Variants in KDM4A observed in about 807,000 individuals in gnomAD.
The protein encoded by KDM4A is lysine demethylase 4A.
KDM4A carries 23 observed loss-of-function variants against 127.1 expected under a neutral mutation model. The observed-to-expected ratio is 0.18, with a 90% CI of 0.13 to 0.26. KDM4A has a LOEUF of 0.26. KDM4A is among the 10% of genes least tolerant of loss of function. The pLI is 1.00. For missense variants in KDM4A, 890 were observed against 1,329.1 expected, an observed-to-expected ratio of 0.67 and a Z score of 5.14; for synonymous variants, 443 against 466.5, an observed-to-expected ratio of 0.95 and a Z score of 0.65.
At chr1:43,700,813 G>C (rs991386069) in intron 19 of KDM4A, among the ~76,000 whole-genome samples, 1 of 151,582 alleles carries the variant, frequency 6.6e-6, no homozygotes, top group African/African-American at 2.4e-5. Flanking sequence ...TCTTCTGAAT[G>C]GATCTTTCAC....
chr1:43,660,220 G>A lies in KDM4A; in HGVS notation c.315-78G>A, dbSNP rs1019836352. 2.1e-6 allele frequency: 3 copies of A among 1,456,008 alleles called. No homozygotes were observed. In the African/African-American group the frequency reaches 4.2e-5, roughly 20 times the overall value. 90.2% of individuals were successfully genotyped at this position (1,456,008 alleles called of 1,614,324 possible). The stretch of plus-strand genomic sequence containing the variant: ...AAATTCTTGCTGTCACTGGAATAGG[G>A]GATTATGTCTTGTAATGTTCATAAT... On this transcript the variant is annotated intron_variant, in intron 3 of 21. Transcript: ENST00000372396.
At position 43,683,735 on chromosome 1, in the gene KDM4A, C is replaced by T. The variant is rs141679111; in HGVS notation, c.1786C>T (p.Arg596Cys). Residue 596 changes from arginine (R) to cysteine (C), a missense_variant, in exon 12 of 22, where the codon CGC becomes TGC. Around this residue, in one of 7 missense-constraint regions of KDM4A, gnomAD observed 389 missense variants for 485.9 expected, o/e 0.80. Transcript: ENST00000372396. ...SLEENKKSKG[R>C]RQPLSKLPRH... ...AGAAGAGAATAAGAAGTCCAAGGGA[C>T]GCCGTCAGCCTTTAAGCAAGCTCCC... The T allele has an allele frequency of 1.3e-4, 203 of 1,613,914 alleles. No homozygotes were observed. Among genetic ancestry groups the T allele is most frequent in the African/African-American group, 2.0e-4 (15 of 74,878 alleles).
rs763220489 is a variant in KDM4A at position 43,703,611 on chromosome 1, C to G, written c.2842-6C>G. The G allele has an allele frequency of 1.2e-6, 2 of 1,613,796 alleles. No homozygotes were observed. The highest frequency in any genetic ancestry group is 1.7e-6 in the Non-Finnish European group (2 of 1,179,870). On this transcript the variant is annotated splice_polypyrimidine_tract_variant and splice_region_variant and intron_variant, in intron 19 of 21. Transcript: ENST00000372396. ...CTTTCACCCTCCTTCCTTCCTGTTT[C>G]CTCAGAGCCAGGACTGTCTCCAGTT...
rs976822291 is a variant in KDM4A at position 43,694,447 on chromosome 1, C to T, written c.2485-262C>T. Among the ~76,000 whole-genome samples, 6 of 148,596 alleles carry T rather than the reference C, an allele frequency of 4.0e-5. No individual in the cohort carries two copies. In the South Asian group the frequency reaches 1.1e-3, roughly 26 times the overall value. The stretch of plus-strand genomic sequence containing the variant: ...AGGAGAATCACTTGAACCCGGGAGG[C>T]GGAGGTTGCAGTGAGCCGATATTGT... On this transcript the variant is annotated intron_variant, in intron 17 of 21. Coordinates refer to ENST00000372396, the MANE Select transcript of KDM4A (RefSeq NM_014663.3). The surrounding 1 kb of genome is among the most constrained non-coding windows in gnomAD (Gnocchi z 5.2).
At chr1:43,653,114 A>T in intron 1 of KDM4A, 23 bp from the exon 2 acceptor site, 1 of 1,285,712 alleles carries the variant, frequency 7.8e-7, no homozygotes, top group African/African-American at 1.5e-5. Context: ...ATATTATTTT[A>T]TACTCTTAAT....
intron 5 of KDM4A, 109 bp from the exon 6 acceptor site, chr1:43,665,587 A>C: frequency 1.1e-6 from 1 of 917,384 alleles, no homozygotes; most frequent in Non-Finnish European, 1.8e-6. Context: ...ACTGCTTGGG[A>C]AGTTAAAAAA....
intron 11 of KDM4A, among the ~76,000 whole-genome samples, chr1:43,678,602 T>A (rs932220574): frequency 2.6e-5 from 4 of 151,294 alleles, no homozygotes; most frequent in African/African-American, 9.7e-5. Context: ...TTTTTTTTTT[T>A]TTTGAGAAAA....
At chr1:43,703,340 G>A (rs1438190889) in intron 19 of KDM4A, 2 of 308,604 alleles carry the variant, frequency 6.5e-6, no homozygotes, top group Non-Finnish European at 1.2e-5. Flanking sequence ...AATGTAAGAA[G>A]GACTCTTGAT....
At chr1:43,652,359 CTTT>C (rs554081633) in intron 1 of KDM4A, among the ~76,000 whole-genome samples, 1 of 149,268 alleles carries the variant, frequency 6.7e-6, no homozygotes, top group South Asian at 2.1e-4. Context: ...AAACAATTTT[CTTT>C]TTTTTTTCTT....
chr1:43,667,644 G>A, intron 8 of KDM4A, 128 bp from the exon 9 acceptor site: 1 of 1,270,586 alleles, frequency 7.9e-7, no homozygotes, highest in Non-Finnish European at 1.1e-6. Flanking sequence ...CTCAGCCTGT[G>A]AACCAAAACA....
chr1:43,675,827 G>GT (rs1196350687), intron 11 of KDM4A, among the ~76,000 whole-genome samples: 1 of 152,066 alleles, frequency 6.6e-6, no homozygotes, highest in African/African-American at 2.4e-5. Context: ...AATCCTAGCA[G>GT]TTTGGGAGGC....
chr1:43,665,667 C>A, intron 5 of KDM4A, 29 bp from the exon 6 acceptor site: 2 of 1,612,952 alleles, frequency 1.2e-6, no homozygotes, highest in Non-Finnish European at 1.7e-6. Flanking sequence ...GCCCTCCACC[C>A]AGCCTCTGAT....
chr1:43,672,180 G>C (rs1412327078), intron 11 of KDM4A, among the ~76,000 whole-genome samples: 2 of 152,030 alleles, frequency 1.3e-5, no homozygotes, highest in Admixed American at 1.3e-4. Context: ...AGCCCACTTG[G>C]ATCACAATGC....
intron 11 of KDM4A, 131 bp downstream of exon 11, chr1:43,672,006 A>C (rs1280844621): frequency 9.7e-7 from 1 of 1,030,012 alleles, no homozygotes; most frequent in African/African-American, 1.6e-5. Context: ...AGAGACCCTC[A>C]GTCAGTGCCT....
intron 11 of KDM4A, among the ~76,000 whole-genome samples, chr1:43,679,226 C>T (rs1021855146): frequency 4.6e-5 from 7 of 152,188 alleles, no homozygotes; most frequent in Admixed American, 3.9e-4. Context: ...ATATAACCTT[C>T]TAGAAGCTGG....
rs1263862907 is a variant in KDM4A, at chr1:43,666,493, C to T, written c.715C>T (p.Arg239Cys). 3 of 1,614,166 alleles carry T rather than the reference C, an allele frequency of 1.9e-6. No individual in the cohort carries two copies. Among genetic ancestry groups the T allele is most frequent in the Non-Finnish European group, 2.5e-6 (3 of 1,180,016 alleles). Residue 239 changes from arginine to cysteine, a missense_variant, in exon 7 of 22, where the codon CGC (arginine) becomes TGC (cysteine). Transcript: ENST00000372396. Reference protein sequence around the residue: ...GSAQSCEAFLRHKMTLISPLM... With the variant: ...GSAQSCEAFLCHKMTLISPLM... ...TGCTCAAAGCTGTGAGGCATTTCTCCGCCACAAGATGACCCTGATTTCCCC... is the reference window on the plus strand; with the variant it reads ...TGCTCAAAGCTGTGAGGCATTTCTCTGCCACAAGATGACCCTGATTTCCCC...
chr1:43,698,983 T>G (rs1333653804), intron 19 of KDM4A, among the ~76,000 whole-genome samples: 2 of 152,070 alleles, frequency 1.3e-5, no homozygotes, highest in East Asian at 3.9e-4. Context: ...GAGACGGGCT[T>G]TTGCCATGTT....
In KDM4A at chr1:43,694,697, C is replaced by A; in HGVS notation, c.2485-12C>A. The stretch of plus-strand genomic sequence containing the variant: ...TTCCTGCAATCACTGGTTTTCTTCC[C>A]CTGTGCTACAGAAATGTATCTTCTG... On this transcript the variant is annotated splice_polypyrimidine_tract_variant and intron_variant, in intron 17 of 21. Transcript: ENST00000372396. This position sits in a 1 kb window ranked among gnomAD's most constrained non-coding sequence, Gnocchi z 5.2. 1 of 1,594,326 alleles carries A rather than the reference C, an allele frequency of 6.3e-7. No homozygotes were observed. Among genetic ancestry groups the A allele is most frequent in the South Asian group, 1.1e-5 (1 of 90,504 alleles).
In KDM4A at chr1:43,655,602, A is replaced by G. The variant is rs1660219388; in HGVS notation, c.150A>G (p.Pro50=). ...HRAGLAKVVP[P]KEWKPRASYD... is the part of the protein sequence containing the mutation. Reference sequence around the variant, plus strand: ...TGTGTTCCCTTCAGGTTGTTCCTCCAAAAGAGTGGAAGCCACGAGCATCCT... The same window carrying G: ...TGTGTTCCCTTCAGGTTGTTCCTCCGAAAGAGTGGAAGCCACGAGCATCCT... The change falls in exon 3 of 22, where the codon CCA becomes CCG. Residue 50 remains proline, a synonymous_variant. Transcript: ENST00000372396. The G allele has an allele frequency of 6.2e-7, 1 of 1,608,930 alleles. No homozygotes were observed. The highest frequency in any genetic ancestry group is 8.5e-7 in the Non-Finnish European group (1 of 1,178,230).
Sources: allele counts gnomAD v4.1 joint callset (sites outside exome capture counted in the v4.1 genomes callset), GRCh38; gene constraint gnomAD v4.1.1; regional missense constraint gnomAD v4.1.1; non-coding constraint Gnocchi (gnomAD v3.1); transcripts MANE v1.5; gene names NCBI Gene and HGNC (gene_info 2026-07-23, HGNC 2026-07-21).